The following CHM variants were observed in gnomAD, a reference collection of about 807,000 sequenced individuals.
CHM encodes rab proteins geranylgeranyltransferase component A 1.
In CHM, 10 loss-of-function variants were observed where a neutral mutation model predicts 49.0. The observed-to-expected ratio is 0.20, with a 90% CI of 0.13 to 0.35. The LOEUF (loss-of-function observed/expected upper bound fraction) is 0.35, where lower values mean the gene tolerates loss of function less well. Among genes scored for constraint, CHM ranks in the 10% least tolerant of loss-of-function variants. The probability of loss-of-function intolerance (pLI) is 1.00; values close to 1 mark genes in which losing one functional copy is unlikely to be tolerated. For missense variants in CHM, 455 were observed against 478.4 expected (o/e 0.95, Z 0.46); for synonymous variants, 184 against 167.5 (o/e 1.10, Z -0.76).
At chrX:86,006,895 A>T (rs1932868871) in intron 2 of CHM, among the ~76,000 whole-genome samples, 1 of 111,955 alleles carries the variant, frequency 8.9e-6, no homozygotes, top group South Asian at 3.8e-4. Context: ...TCTTCACAGA[A>T]TTGGAAAAAA....
Position 85,879,020 on chromosome X carries a change from T to G in CHM, c.1554A>C (p.Glu518Asp), listed in dbSNP as rs774280519. Residue 518 changes from glutamate (E) to aspartate (D), a missense_variant, in exon 13 of 15, where the codon GAA becomes GAC. Coordinates refer to ENST00000357749, the MANE Select transcript of CHM (RefSeq NM_000390.4). ...ATTTCTGCACAACTGATTCTAAATC[T>G]TCTCTTGCTGTTTTAGAAGATGTGC... is the stretch of plus-strand genomic sequence containing the variant. The part of the protein sequence containing the change: ...LTCTSSKTAR[E>D]DLESVVQKLF... The G allele has an allele frequency of 4.1e-6, 5 of 1,205,242 alleles. No individual in the cohort carries two copies. Among genetic ancestry groups the G allele is most frequent in the Non-Finnish European group, 4.5e-6 (4 of 890,764 alleles).
intron 8 of CHM, among the ~76,000 whole-genome samples, chrX:85,935,317 C>T: frequency 9.0e-6 from 1 of 111,579 alleles, no homozygotes; most frequent in Non-Finnish European, 1.9e-5. Context: ...TAACACTTCC[C>T]ACTAGGTCCC....
chrX:85,983,351 A>G (rs936630142), intron 2 of CHM, among the ~76,000 whole-genome samples: 3 of 110,315 alleles, frequency 2.7e-5, no homozygotes, highest in African/African-American at 9.9e-5. Context: ...CAGGAAACCT[A>G]CAAGCAGTGA....
At chrX:85,936,978 C>T (rs2148202243) in intron 8 of CHM, among the ~76,000 whole-genome samples, 1 of 111,423 alleles carries the variant, frequency 9.0e-6, no homozygotes, top group East Asian at 2.8e-4. Flanking sequence ...AAAAATTAGT[C>T]TGTGCAGGCC....
chrX:85,967,063 A>T (rs1930620602), intron 4 of CHM, among the ~76,000 whole-genome samples: 1 of 112,023 alleles, frequency 8.9e-6, no homozygotes, highest in Admixed American at 9.5e-5. Flanking sequence ...AAACACAAGC[A>T]ATAAAAACAC....
In CHM at chrX:86,033,265, T is replaced by C. The variant is rs372676505; in HGVS notation, c.50-5708A>G. 2.7e-5 allele frequency among the ~76,000 whole-genome samples: 3 copies of C among 111,742 alleles called. No individual in the cohort carries two copies. The East Asian group carries it at 8.4e-4, about 31-fold the overall frequency. On this transcript the variant is annotated intron_variant, in intron 1 of 14. Transcript: ENST00000357749. Reference sequence around the variant, plus strand: ...ACACCACTCCCAGCATATCGAACAATAAATAATAGATTCCCCTGACAGGAC... The same window carrying C: ...ACACCACTCCCAGCATATCGAACAACAAATAATAGATTCCCCTGACAGGAC...
Position 85,864,509 on chromosome X carries a change from T to G in CHM, c.*121A>C. The stretch of plus-strand genomic sequence containing the variant: ...GGAAAATCCCCTTTTGGATTTCTAT[T>G]ACCTATTTTGCCTTATAATTGCTGC... On this transcript the variant is annotated 3_prime_UTR_variant, in exon 15 of 15. Transcript: ENST00000357749. 1.7e-6 allele frequency: 1 copy of G among 590,677 alleles called. No individual in the cohort carries two copies. Among genetic ancestry groups the G allele is most frequent in the Non-Finnish European group, 2.8e-6 (1 of 351,904 alleles). 48.7% of individuals were successfully genotyped at this position (590,677 alleles called of 1,213,427 possible). A position where few individuals can be genotyped will look rare whatever the true frequency, so the allele number is the denominator to read the frequency against.
At chrX:85,907,497 T>C (rs1926675840) in intron 9 of CHM, among the ~76,000 whole-genome samples, 1 of 112,546 alleles carries the variant, frequency 8.9e-6, no homozygotes, top group African/African-American at 3.2e-5. Context: ...GCATGCAGTA[T>C]TAGAATTTAG....
intron 6 of CHM, among the ~76,000 whole-genome samples, 196 bp from the exon 7 acceptor site, chrX:85,958,171 T>G (rs1427858344): frequency 8.9e-6 from 1 of 112,116 alleles, no homozygotes; most frequent in Non-Finnish European, 1.9e-5. Flanking sequence ...TACTTAATTC[T>G]GCCAAGTTAC....
At chrX:85,976,875 A>AACAC (rs201555478) in intron 4 of CHM, among the ~76,000 whole-genome samples, 962 of 76,296 alleles carry the variant, frequency 0.013, 9 homozygotes, top group South Asian at 0.031. Context: ...AACACACACA[A>AACAC]ACACACACAC....
intron 2 of CHM, among the ~76,000 whole-genome samples, chrX:86,013,403 G>A (rs1341549682): frequency 9.0e-6 from 1 of 111,385 alleles, no homozygotes; most frequent in Non-Finnish European, 1.9e-5. Flanking sequence ...GAAAAATCCT[G>A]CGTCACTATA....
chrX:86,030,634 G>A (rs1306522741), intron 1 of CHM, among the ~76,000 whole-genome samples: 1 of 111,060 alleles, frequency 9.0e-6, no homozygotes, highest in East Asian at 2.8e-4. Flanking sequence ...AAAATAATAA[G>A]TGTATTTAAA....
chrX:85,991,864 G>A (rs1336039604), intron 2 of CHM, among the ~76,000 whole-genome samples: 2 of 111,135 alleles, frequency 1.8e-5, no homozygotes, highest in African/African-American at 3.3e-5. Flanking sequence ...TACTAAATAC[G>A]TTGAGTTTGG....
rs772411023 is a variant in CHM at position 85,878,926 on chromosome X, A to G, written c.1609+39T>C. 1.7e-5 allele frequency: 16 copies of G among 958,780 alleles called. No individual in the cohort carries two copies. The African/African-American group carries it at 2.5e-4, about 15-fold the overall frequency. 79.0% of individuals were successfully genotyped at this position (958,780 alleles called of 1,213,427 possible). On this transcript the variant is annotated intron_variant, in intron 13 of 14. Transcript: ENST00000357749. ...TATCTAAGAAGATTATGATGGTTACATTACCTTTCCATCATGAGTTATCAA... is the reference window on the plus strand; with the variant it reads ...TATCTAAGAAGATTATGATGGTTACGTTACCTTTCCATCATGAGTTATCAA...
chrX:85,985,860 T>C (rs1422594129), intron 2 of CHM, among the ~76,000 whole-genome samples: 1 of 111,546 alleles, frequency 9.0e-6, no homozygotes, highest in African/African-American at 3.3e-5. Flanking sequence ...GGGAGCCTGT[T>C]CCCATAACTC....
chrX:86,013,130 G>C (rs1450228127), intron 2 of CHM, among the ~76,000 whole-genome samples: 1 of 111,729 alleles, frequency 9.0e-6, no homozygotes, highest in South Asian at 3.8e-4. Context: ...TACTGACAGA[G>C]AGAGAGAAAC....
chrX:85,933,177 C>A (rs1928538026), intron 8 of CHM, among the ~76,000 whole-genome samples: 1 of 110,113 alleles, frequency 9.1e-6, no homozygotes, highest in Non-Finnish European at 1.9e-5. Flanking sequence ...CTCTGAAGAG[C>A]CATTGCACTC....
chrX:85,865,046 G>A (rs1923599315), intron 14 of CHM, among the ~76,000 whole-genome samples: 1 of 111,368 alleles, frequency 9.0e-6, no homozygotes, highest in South Asian at 3.8e-4. Flanking sequence ...TTCAAGGATG[G>A]CAGTACCTCA....
chrX:86,000,456 A>G (rs182511874), intron 2 of CHM, among the ~76,000 whole-genome samples: 272 of 104,458 alleles, frequency 2.6e-3, no homozygotes, highest in Non-Finnish European at 4.3e-3. Context: ...AGGGTCCTCA[A>G]AAAACTACAA....
Sources: gnomAD v4.1 joint callset for allele counts (sites outside exome capture counted in the v4.1 genomes callset) on GRCh38, gnomAD v4.1.1 for gene constraint, MANE v1.5 for transcripts, NCBI Gene and HGNC (gene_info 2026-07-23, HGNC 2026-07-21) for gene names.